RBMS3: variants seen among roughly 807,000 people sequenced by gnomAD.
RBMS3 encodes the protein RNA-binding motif, single-stranded-interacting protein 3.
RBMS3 carries 27 observed loss-of-function variants against 66.8 expected under a neutral mutation model. That is an observed-to-expected ratio of 0.40 (90% CI 0.30 to 0.56). RBMS3 has a LOEUF of 0.56. RBMS3 is among the 20% of genes least tolerant of loss of function. The pLI is 0.40. For missense variants in RBMS3, 513 were observed against 549.5 expected (o/e 0.93, Z 0.66); for synonymous variants, 188 against 183.0 (o/e 1.03, Z -0.22).
intron 1 of RBMS3, among the ~76,000 whole-genome samples, chr3:29,395,838 A>G (rs1207657537): frequency 1.3e-5 from 2 of 152,200 alleles, no homozygotes; most frequent in Non-Finnish European, 2.9e-5. Flanking sequence ...TTCTGCTCCA[A>G]CTTGGCTTCC....
chr3:29,596,161 G>T (rs1390655830), intron 4 of RBMS3, among the ~76,000 whole-genome samples: 1 of 152,082 alleles, frequency 6.6e-6, no homozygotes, highest in Non-Finnish European at 1.5e-5. Flanking sequence ...CTGCTTTCCT[G>T]GCCCCAACTT....
chr3:29,305,275 A>G (rs1369802654), intron 1 of RBMS3, among the ~76,000 whole-genome samples: 1 of 151,816 alleles, frequency 6.6e-6, no homozygotes, highest in Non-Finnish European at 1.5e-5. Context: ...GCAATTTCCT[A>G]TTGTTACTGG....
intron 5 of RBMS3, among the ~76,000 whole-genome samples, chr3:29,759,162 C>T (rs1338103053): frequency 6.6e-6 from 1 of 151,848 alleles, no homozygotes; most frequent in Non-Finnish European, 1.5e-5. Context: ...CGTAATTTGC[C>T]TGTGGGAATT....
chr3:29,929,450 C>G (rs1559810374), intron 10 of RBMS3, among the ~76,000 whole-genome samples: 2 of 152,122 alleles, frequency 1.3e-5, no homozygotes, highest in African/African-American at 4.8e-5. Context: ...CAAAATGACA[C>G]TATTATATTA....
chr3:29,823,175 AG>A (rs2058115951), intron 6 of RBMS3, among the ~76,000 whole-genome samples: 1 of 152,186 alleles, frequency 6.6e-6, no homozygotes, highest in Non-Finnish European at 1.5e-5. Flanking sequence ...CATTTTCACA[AG>A]CTGAACACAG....
chr3:29,739,901 A>C lies in RBMS3; in HGVS notation c.557+24A>C, dbSNP rs772200078. 24 of 1,509,658 alleles carry C rather than the reference A, an allele frequency of 1.6e-5. No individual in the cohort carries two copies. The South Asian group carries it at 3.0e-4, about 19-fold the overall frequency. 93.5% of individuals were successfully genotyped at this position (1,509,658 alleles called of 1,614,324 possible). On this transcript the variant is annotated intron_variant, in intron 5 of 14. Coordinates refer to ENST00000383767, the MANE Select transcript of RBMS3 (RefSeq NM_001003793.3). The stretch of plus-strand genomic sequence containing the variant: ...AGGTAAAATTCTTTCTTTGTATGTA[A>C]TCGTTCTTTCCTCATTGTTCCTTTT...
intron 14 of RBMS3, among the ~76,000 whole-genome samples, chr3:29,993,526 G>T (rs371126670): frequency 6.6e-6 from 1 of 152,206 alleles, no homozygotes; most frequent in Non-Finnish European, 1.5e-5. Context: ...GTTAATATTT[G>T]AATCAGTTAA....
chr3:29,753,729 C>T (rs985128283), intron 5 of RBMS3, among the ~76,000 whole-genome samples: 23 of 152,158 alleles, frequency 1.5e-4, no homozygotes, highest in Admixed American at 5.2e-4. Context: ...TATGGAAGTA[C>T]GATTGCCCAT....
rs1396983293 is a variant in RBMS3, at chr3:29,991,220, GCTGTGCTAAGCTCTTTTC to G, written c.1307+14_1307+31del. On this transcript the variant is annotated intron_variant, in intron 14 of 14. Transcript: ENST00000383767. ...TTACCAACAGTCTAAGTAAGTCTGG[GCTGTGCTAAGCTCTTTTC>G]CTCAAGATCAGCCATCTTGACATCA... 6.2e-7 allele frequency: 1 copy of G among 1,613,730 alleles called. No individual in the cohort carries two copies. The highest frequency in any genetic ancestry group is 8.5e-7 in the Non-Finnish European group (1 of 1,179,960).
chr3:29,984,262 A>G (rs898656024), intron 12 of RBMS3, among the ~76,000 whole-genome samples: 2 of 151,884 alleles, frequency 1.3e-5, no homozygotes, highest in African/African-American at 4.8e-5. Context: ...CAGCTCCATC[A>G]GGTCATATAT....
At chr3:29,814,158 A>C (rs2057807692) in intron 6 of RBMS3, among the ~76,000 whole-genome samples, 2 of 151,774 alleles carry the variant, frequency 1.3e-5, no homozygotes, top group African/African-American at 4.9e-5. Context: ...ACATCCCATC[A>C]ATACCTAATT....
chr3:29,482,093 A>G (rs1308523405), intron 2 of RBMS3, among the ~76,000 whole-genome samples: 1 of 152,156 alleles, frequency 6.6e-6, no homozygotes, highest in Non-Finnish European at 1.5e-5. Flanking sequence ...TTTCTATATT[A>G]GTTGGCCAAA....
intron 6 of RBMS3, among the ~76,000 whole-genome samples, chr3:29,820,029 T>C (rs2058031403): frequency 6.6e-6 from 1 of 151,746 alleles, no homozygotes; most frequent in African/African-American, 2.4e-5. Flanking sequence ...ACCCTGTCTC[T>C]ACTAAAAATA....
At chr3:29,663,482 T>G (rs987683319) in intron 4 of RBMS3, among the ~76,000 whole-genome samples, 1 of 152,232 alleles carries the variant, frequency 6.6e-6, no homozygotes, top group African/African-American at 2.4e-5. Context: ...TGGCCTTTAA[T>G]GAACTTTCTT....
At chr3:29,765,697 G>C (rs1478460997) in intron 6 of RBMS3, 1 of 151,928 alleles carries the variant, frequency 6.6e-6, no homozygotes, top group Non-Finnish European at 1.5e-5. Flanking sequence ...GCTGTGGAAA[G>C]ATTGAATATG....
chr3:29,699,451 G>A (rs762539183), intron 4 of RBMS3, among the ~76,000 whole-genome samples: 3 of 152,130 alleles, frequency 2.0e-5, no homozygotes, highest in South Asian at 2.1e-4. Flanking sequence ...CTGTCCTGTG[G>A]AGCTATTTTC....
At chr3:29,462,279 G>A (rs910751199) in intron 2 of RBMS3, among the ~76,000 whole-genome samples, 2 of 152,150 alleles carry the variant, frequency 1.3e-5, no homozygotes, top group African/African-American at 4.8e-5. Flanking sequence ...ACTTCAGGCT[G>A]CATGCCCCCT....
intron 12 of RBMS3, among the ~76,000 whole-genome samples, chr3:29,963,174 T>A (rs1696597850): frequency 6.6e-6 from 1 of 152,208 alleles, no homozygotes. Flanking sequence ...ATAGATTTCC[T>A]TAGGGAACAT....
intron 10 of RBMS3, among the ~76,000 whole-genome samples, chr3:29,901,447 T>C (rs1354734439): frequency 6.6e-6 from 1 of 151,816 alleles, no homozygotes; most frequent in African/African-American, 2.4e-5. Context: ...TTTTACCAGA[T>C]GTCAAACTAT....
Sources: gnomAD v4.1 joint callset for allele counts (sites outside exome capture counted in the v4.1 genomes callset) on GRCh38, gnomAD v4.1.1 for gene constraint, MANE v1.5 for transcripts, NCBI Gene and HGNC (gene_info 2026-07-23, HGNC 2026-07-21) for gene names.